The following TMEM74 variants were observed in gnomAD, a reference collection of about 807,000 sequenced individuals.
The protein encoded by TMEM74 is transmembrane protein 74.
A neutral mutation model predicts 18.1 loss-of-function variants in TMEM74; 13 were observed. The ratio of observed to expected loss-of-function variants is 0.72; its 90% CI spans 0.47 to 1.14. The LOEUF (loss-of-function observed/expected upper bound fraction) is 1.14, where lower values mean the gene tolerates loss of function less well. TMEM74 is among the 50% of genes most tolerant of loss of function. The pLI, the probability that TMEM74 is intolerant of heterozygous loss-of-function variation, is 0.00. For synonymous variants in TMEM74, 159 were observed against 146.6 expected, an observed-to-expected ratio of 1.08 and a Z score of -0.61; for missense variants, 372 against 375.9, an observed-to-expected ratio of 0.99 and a Z score of 0.09.
intron 1 of TMEM74, among the ~76,000 whole-genome samples, chr8:108,661,378 C>CTTTTTTTT (rs760545466): frequency 4.7e-4 from 41 of 86,728 alleles, no homozygotes; most frequent in Middle Eastern, 0.012. Flanking sequence ...CCTTGCAGCT[C>CTTTTTTTT]TTTTTTTTTT....
intron 2 of TMEM74, among the ~76,000 whole-genome samples, chr8:108,628,006 T>C (rs1433486635): frequency 6.6e-6 from 1 of 151,988 alleles, no homozygotes; most frequent in Non-Finnish European, 1.5e-5. Context: ...TGCAATTAAC[T>C]GAAGTGGTGC....
downstream of TMEM74, among the ~76,000 whole-genome samples, chr8:108,778,840 T>G (rs1052825783): frequency 3.3e-5 from 5 of 152,178 alleles, no homozygotes; most frequent in African/African-American, 1.2e-4. Context: ...TTCCATATCA[T>G]AAAATGTGTA....
At chr8:108,683,558 G>T (rs572717621) in intron 1 of TMEM74, among the ~76,000 whole-genome samples, 5 of 151,964 alleles carry the variant, frequency 3.3e-5, no homozygotes, top group South Asian at 2.1e-4. Flanking sequence ...TATTACTCAT[G>T]AATCAATCCA....
intron 1 of TMEM74, among the ~76,000 whole-genome samples, chr8:108,691,102 A>G (rs1323650564): frequency 6.6e-6 from 1 of 152,192 alleles, no homozygotes; most frequent in Non-Finnish European, 1.5e-5. Flanking sequence ...GCTGCTATGA[A>G]AGAATCTAAA....
At chr8:108,690,923 A>C (rs1337047578) in intron 1 of TMEM74, among the ~76,000 whole-genome samples, 1 of 152,166 alleles carries the variant, frequency 6.6e-6, no homozygotes, top group East Asian at 1.9e-4. Flanking sequence ...TTCTTTTTGC[A>C]AGGATAGCAG....
In TMEM74 at chr8:108,702,318, C is replaced by T. The variant is rs180761718; in HGVS notation, n.120-46881G>A. ...CGAGATTGAGCCACTGCACTCCAGC[C>T]CTGGCGACGGTGTGAGACTCCATCT... On this transcript the variant is annotated intron_variant and non_coding_transcript_variant, in intron 1 of 3. Coordinates refer to the TMEM74 transcript ENST00000518838. Among the ~76,000 whole-genome samples, 290 of 149,054 alleles carry T rather than the reference C, an allele frequency of 1.9e-3. 1 individual carries two copies. The highest frequency in any genetic ancestry group is 3.2e-3 in the Non-Finnish European group (214 of 67,520).
intron 2 of TMEM74, among the ~76,000 whole-genome samples, chr8:108,634,599 C>T (rs1812588658): frequency 6.6e-6 from 1 of 151,962 alleles, no homozygotes; most frequent in Admixed American, 6.6e-5. Context: ...CTCTCCATTT[C>T]CCTCCTTTAC....
rs566495321 is a variant in TMEM74 at position 108,781,013 on chromosome 8, C to T, written c.*3168G>A. ...GGAGCCTTAAATCATCCACCAGCAG[C>T]GTGTAGATCCCAGTAATAAAGGAGA... On this transcript the variant is annotated 3_prime_UTR_variant, in exon 2 of 2. Transcript: ENST00000297459. Among the ~76,000 whole-genome samples, 16 of 152,162 alleles carry T rather than the reference C, an allele frequency of 1.1e-4. No homozygotes were observed. Among genetic ancestry groups the T allele is most frequent in the East Asian group, 7.7e-4 (4 of 5,172 alleles).
At chr8:108,612,532 T>A (rs561532789) in intron 2 of TMEM74, among the ~76,000 whole-genome samples, 1 of 152,344 alleles carries the variant, frequency 6.6e-6, no homozygotes, top group Admixed American at 6.5e-5. Flanking sequence ...CTTTCAGTGT[T>A]GGGCTCTGGA....
At position 108,780,405 on chromosome 8, in the gene TMEM74, G is replaced by T. The variant is rs915014272; in HGVS notation, c.*3776C>A. On this transcript the variant is annotated 3_prime_UTR_variant, in exon 2 of 2. Transcript: ENST00000297459. ...GCCTAGAATTTTTGCTTGTCAGAAG[G>T]TGGTAAAAAAAAATAGAGCCATTGG... Among the ~76,000 whole-genome samples the T allele has an allele frequency of 3.9e-5, 6 of 152,130 alleles. No homozygotes were observed. In the South Asian group the frequency reaches 8.3e-4, roughly 21 times the overall value.
At chr8:108,615,304 G>T (rs1184983400) in intron 2 of TMEM74, among the ~76,000 whole-genome samples, 3 of 152,170 alleles carry the variant, frequency 2.0e-5, no homozygotes, top group African/African-American at 7.2e-5. Context: ...CTAGGGAATG[G>T]TTAGCACTCA....
chr8:108,765,500 G>A (rs781680593), intron 1 of TMEM74, among the ~76,000 whole-genome samples: 2 of 147,134 alleles, frequency 1.4e-5, no homozygotes, highest in Non-Finnish European at 3.0e-5. Context: ...TCCATCTCCT[G>A]GGTTCAAGTA....
At position 108,784,727 on chromosome 8, in the gene TMEM74, G is replaced by A. The variant is rs543730737; in HGVS notation, c.372C>T (p.Asn124=). The A allele has an allele frequency of 4.3e-6, 7 of 1,614,212 alleles. No individual in the cohort carries two copies. The South Asian group carries it at 5.5e-5, about 13-fold the overall frequency. ...VDKNINLEQR[N]RSSPSAKGHN... ...GCCCTTTTGCTGATGGCGAGCTCCG[G>A]TTCCGCTGCTCCAAGTTGATGTTTT... The change falls in exon 2 of 2, where the codon AAC becomes AAT. Residue 124 remains asparagine (N), a synonymous_variant. Transcript: ENST00000297459.
In TMEM74 at chr8:108,689,358, G is replaced by A. The variant is rs1427489764; in HGVS notation, n.120-33921C>T. On this transcript the variant is annotated intron_variant and non_coding_transcript_variant, in intron 1 of 3. Transcript: ENST00000518838. ...GTTACTTTATTCAGTTAGGAGAGGA[G>A]GCACTGTTTTCATAGAGTAACGAAC... is the stretch of plus-strand genomic sequence containing the variant. Among the ~76,000 whole-genome samples, 5 of 152,284 alleles carry A rather than the reference G, an allele frequency of 3.3e-5. No homozygotes were observed. The South Asian group carries it at 1.0e-3, about 32-fold the overall frequency.
intron 1 of TMEM74, among the ~76,000 whole-genome samples, chr8:108,757,046 T>G (rs1586286770): frequency 6.6e-6 from 1 of 152,098 alleles, no homozygotes; most frequent in African/African-American, 2.4e-5. Context: ...CCATTAATCA[T>G]TTTTGTTTCC....
intron 2 of TMEM74, among the ~76,000 whole-genome samples, chr8:108,648,441 C>A (rs1812742343): frequency 6.6e-6 from 1 of 152,080 alleles, no homozygotes; most frequent in Non-Finnish European, 1.5e-5. Context: ...GCTTCACTAC[C>A]CCGCAAAGAT....
intron 1 of TMEM74, among the ~76,000 whole-genome samples, chr8:108,722,765 TTTA>T (rs1813598506): frequency 6.6e-6 from 1 of 152,186 alleles, no homozygotes; most frequent in Admixed American, 6.5e-5. Context: ...AAGGGGATGC[TTTA>T]TTTATTGCTG....
intron 2 of TMEM74, among the ~76,000 whole-genome samples, chr8:108,645,621 G>A (rs2130565999): frequency 6.6e-6 from 1 of 152,120 alleles, no homozygotes; most frequent in South Asian, 2.1e-4. Context: ...CAAGAAACAT[G>A]GCAAAAATGG....
At chr8:108,623,330 C>T (rs1339320433) in intron 2 of TMEM74, among the ~76,000 whole-genome samples, 2 of 152,002 alleles carry the variant, frequency 1.3e-5, no homozygotes, top group Non-Finnish European at 2.9e-5. Context: ...ACAAACAAAC[C>T]CTTTTCCAAG....
Sources: gnomAD v4.1 joint callset for allele counts (sites outside exome capture counted in the v4.1 genomes callset) on GRCh38, gnomAD v4.1.1 for gene constraint, MANE v1.5 for transcripts, NCBI Gene and HGNC (gene_info 2026-07-23, HGNC 2026-07-21) for gene names.